LRP2: variants seen among roughly 807,000 people sequenced by gnomAD.
LRP2 encodes LDL receptor related protein 2.
Under a neutral mutation model 531.0 loss-of-function variants are expected in LRP2, and 172 were observed. The ratio of observed to expected loss-of-function variants is 0.32; its 90% CI spans 0.29 to 0.37. The LOEUF (loss-of-function observed/expected upper bound fraction) is 0.37, where lower values mean the gene tolerates loss of function less well. Among genes scored for constraint, LRP2 ranks in the 10% least tolerant of loss-of-function variants. The pLI is 1.00. For missense variants in LRP2, 5,167 were observed against 5,868.3 expected, an observed-to-expected ratio of 0.88 and a Z score of 3.90; for synonymous variants, 1,992 against 2,027.6, an observed-to-expected ratio of 0.98 and a Z score of 0.47.
intron 16 of LRP2, among the ~76,000 whole-genome samples, chr2:169,263,736 G>C (rs991764683): frequency 2.6e-5 from 4 of 152,040 alleles, no homozygotes; most frequent in Non-Finnish European, 4.4e-5. Context: ...CCCAGCCATC[G>C]CATTACTGGG....
chr2:169,199,303 T>G (rs1448855859), intron 44 of LRP2, among the ~76,000 whole-genome samples: 4 of 152,230 alleles, frequency 2.6e-5, no homozygotes, highest in African/African-American at 9.6e-5. Context: ...ATCTTCAGGA[T>G]ATATTGTTAA....
rs745539902 is a variant in LRP2 at position 169,193,892 on chromosome 2, C to T, written c.8699G>A (p.Gly2900Asp). The change falls in exon 47 of 79, where the codon GGT (glycine) becomes GAT (aspartate). Residue 2900 changes from glycine to aspartate, a missense_variant and splice_region_variant. Gly to Asp is a moderately conservative substitution (Grantham distance 94). Around this residue, in one of 6 missense-constraint regions of LRP2, gnomAD observed 1,129 missense variants for 1,362.7 expected, o/e 0.83. Coordinates refer to ENST00000649046, the MANE Select transcript of LRP2 (RefSeq NM_004525.3). ...FDASDEPASC[G>D]HSERTCLADE... ...AGCTAGGCATGTTCGCTCAGAGTGA[C>T]CTGAAAAGATCAATAGCATTCTCAG... The T allele has an allele frequency of 1.9e-6, 3 of 1,613,988 alleles. No individual in the cohort carries two copies. The highest frequency in any genetic ancestry group is 2.5e-6 in the Non-Finnish European group (3 of 1,180,016).
At chr2:169,331,004 C>G (rs528080146) in intron 1 of LRP2, among the ~76,000 whole-genome samples, 2 of 152,242 alleles carry the variant, frequency 1.3e-5, no homozygotes, top group East Asian at 3.9e-4. Context: ...AATGAACTCC[C>G]CTGGGAGAGT....
At chr2:169,334,244 AG>A (rs1284656929) in intron 1 of LRP2, among the ~76,000 whole-genome samples, 1 of 152,172 alleles carries the variant, frequency 6.6e-6, no homozygotes, top group Non-Finnish European at 1.5e-5. Flanking sequence ...AATGCTAAAA[AG>A]AAGTACGGCT....
At chr2:169,362,191 G>T (rs1686186072) in intron 1 of LRP2, 130 bp downstream of exon 1, 2 of 720,140 alleles carry the variant, frequency 2.8e-6, no homozygotes, top group Admixed American at 3.4e-5. Context: ...GCCCCACCGG[G>T]AGCAGCTCCC....
chr2:169,353,448 T>C (rs1452590468), intron 1 of LRP2, among the ~76,000 whole-genome samples: 1 of 152,104 alleles, frequency 6.6e-6, no homozygotes, highest in Non-Finnish European at 1.5e-5. Flanking sequence ...CCACTCTGCC[T>C]CAGTATTTTT....
intron 1 of LRP2, among the ~76,000 whole-genome samples, chr2:169,355,680 G>A (rs565543285): frequency 6.6e-6 from 1 of 152,328 alleles, no homozygotes; most frequent in African/African-American, 2.4e-5. Flanking sequence ...CAGAGCCACT[G>A]ACAGCCGCTT....
intron 25 of LRP2, among the ~76,000 whole-genome samples, chr2:169,240,433 T>C (rs146652043): frequency 7.0e-4 from 106 of 152,330 alleles, no homozygotes; most frequent in African/African-American, 2.2e-3. Flanking sequence ...TAAGTTAATA[T>C]AATCAGGACA....
chr2:169,333,240 GATTTT>G (rs1685311864), intron 1 of LRP2, among the ~76,000 whole-genome samples: 1 of 152,060 alleles, frequency 6.6e-6, no homozygotes, highest in Non-Finnish European at 1.5e-5. Flanking sequence ...CCTTGGAAAT[GATTTT>G]ATAAGCAGAA....
intron 4 of LRP2, among the ~76,000 whole-genome samples, chr2:169,304,824 T>C (rs761098249): frequency 1.3e-5 from 2 of 152,158 alleles, no homozygotes; most frequent in Non-Finnish European, 2.9e-5. Flanking sequence ...CAAATGCCTA[T>C]CAATGATAGA....
At chr2:169,348,165 G>A (rs1401382053) in intron 1 of LRP2, among the ~76,000 whole-genome samples, 2 of 152,118 alleles carry the variant, frequency 1.3e-5, no homozygotes, top group African/African-American at 4.8e-5. Flanking sequence ...AAAACACTTA[G>A]GCCAATGCCT....
chr2:169,134,118 G>A (rs1229520998), intron 76 of LRP2, among the ~76,000 whole-genome samples: 1 of 152,122 alleles, frequency 6.6e-6, no homozygotes, highest in Admixed American at 6.5e-5. Context: ...ACAAGAGCCG[G>A]GACCGTGCCC....
At chr2:169,309,408 T>C (rs1258718514) in intron 3 of LRP2, among the ~76,000 whole-genome samples, 1 of 152,206 alleles carries the variant, frequency 6.6e-6, no homozygotes, top group Admixed American at 6.5e-5. Context: ...GTATAAGGTG[T>C]AAGGAAGGGA....
rs2105356586 is a variant in LRP2, at chr2:169,152,815, C to T, written c.12445G>A (p.Val4149Met). ...CAAATTTACCTTCCAACCCAGTCCA[C>T]TGCTATTCCATCTGGCTGCATTACG... ...KYVMQPDGIA[V>M]DWVGRHIYWS... is the part of the protein sequence containing the mutation. Residue 4149 changes from valine (V) to methionine (M), a missense_variant, in exon 67 of 79, where the codon GTG becomes ATG. Around this residue, in one of 6 missense-constraint regions of LRP2, gnomAD observed 564 missense variants for 747.7 expected, o/e 0.75. Coordinates refer to ENST00000649046, the MANE Select transcript of LRP2 (RefSeq NM_004525.3). The T allele has an allele frequency of 6.2e-7, 1 of 1,614,050 alleles. No homozygotes were observed. The highest frequency in any genetic ancestry group is 8.5e-7 in the Non-Finnish European group (1 of 1,179,912).
intron 63 of LRP2, among the ~76,000 whole-genome samples, chr2:169,161,191 A>T (rs1686573877): frequency 1.3e-5 from 2 of 152,184 alleles, no homozygotes; most frequent in African/African-American, 4.8e-5. Flanking sequence ...TGACTGCTCC[A>T]ATTCTGCCTC....
intron 76 of LRP2, among the ~76,000 whole-genome samples, chr2:169,134,672 C>A (rs1023552077): frequency 6.6e-6 from 1 of 152,188 alleles, no homozygotes; most frequent in African/African-American, 2.4e-5. Context: ...TAAGTCAAAC[C>A]CTCACTCTTG....
intron 1 of LRP2, among the ~76,000 whole-genome samples, chr2:169,333,193 A>C (rs1330390635): frequency 1.3e-5 from 2 of 152,238 alleles, no homozygotes; most frequent in East Asian, 1.9e-4. Context: ...GTTTTACACA[A>C]TATTTTTGTA....
chr2:169,212,841 G>A (rs966129599), intron 36 of LRP2, among the ~76,000 whole-genome samples: 1 of 151,546 alleles, frequency 6.6e-6, no homozygotes, highest in Non-Finnish European at 1.5e-5. Flanking sequence ...GGTGATGGGT[G>A]CACCAAAATC....
chr2:169,285,153 T>TAAAAAAAAAA (rs58043794), intron 9 of LRP2, among the ~76,000 whole-genome samples: 1 of 134,648 alleles, frequency 7.4e-6, no homozygotes. Flanking sequence ...TACTAAGAAT[T>TAAAAAAAAAA]AAAAAAAAAA....
Sources: allele counts gnomAD v4.1 joint callset (sites outside exome capture counted in the v4.1 genomes callset), GRCh38; gene constraint gnomAD v4.1.1; regional missense constraint gnomAD v4.1.1; transcripts MANE v1.5; gene names NCBI Gene and HGNC (gene_info 2026-07-23, HGNC 2026-07-21).